Variants in NUDT3 observed in about 807,000 individuals in gnomAD.
The protein encoded by NUDT3 is diphosphoinositol polyphosphate phosphohydrolase 1.
NUDT3 carries 9 observed loss-of-function variants against 23.6 expected under a neutral mutation model. The observed-to-expected ratio is 0.38, with a 90% confidence interval of 0.23 to 0.66. The LOEUF (loss-of-function observed/expected upper bound fraction) is 0.66. NUDT3 is among the 30% of genes least tolerant of loss of function. The probability of loss-of-function intolerance (pLI) is 0.52; values close to 1 mark genes in which losing one functional copy is unlikely to be tolerated. For missense variants in NUDT3, 172 were observed against 218.5 expected (o/e 0.79, Z 1.34); for synonymous variants, 86 against 82.6 (o/e 1.04, Z -0.22).
At chr6:34,353,141 A>G (rs1224862473) in intron 1 of NUDT3, among the ~76,000 whole-genome samples, 1 of 152,158 alleles carries the variant, frequency 6.6e-6, no homozygotes, top group African/African-American at 2.4e-5. Flanking sequence ...ACAAATACAT[A>G]TTTATTCTTT....
At chr6:34,341,762 G>A (rs78744174) in intron 2 of NUDT3, 100 bp downstream of exon 2, 3 of 1,001,618 alleles carry the variant, frequency 3.0e-6, no homozygotes, top group Admixed American at 2.8e-5. Context: ...TTCTGTGACT[G>A]TATATTTATT....
At chr6:34,356,245 A>C (rs1278024784) in intron 1 of NUDT3, among the ~76,000 whole-genome samples, 1 of 152,202 alleles carries the variant, frequency 6.6e-6, no homozygotes, top group East Asian at 1.9e-4. Flanking sequence ...ACGTACCCAC[A>C]AAAATTAAAA....
intron 1 of NUDT3, among the ~76,000 whole-genome samples, chr6:34,381,840 C>T (rs1581902596): frequency 2.0e-5 from 3 of 151,532 alleles, no homozygotes; most frequent in East Asian, 1.9e-4. Flanking sequence ...TTTGGGAGGC[C>T]GAGGCAGGCA....
chr6:34,318,975 T>C (rs891129055), intron 2 of NUDT3, among the ~76,000 whole-genome samples: 4 of 151,344 alleles, frequency 2.6e-5, no homozygotes, highest in African/African-American at 9.7e-5. Context: ...ATTTAGTCAA[T>C]GTGTCCAAGC....
Position 34,283,155 on chromosome 6 carries a change from C to T in NUDT3, c.*5598G>A, listed in dbSNP as rs1050328566. The T allele has an allele frequency of 6.6e-6, 1 of 151,344 alleles. No homozygotes were observed. Among genetic ancestry groups the T allele is most frequent in the Non-Finnish European group, 1.5e-5 (1 of 67,966 alleles). 9.4% of individuals were successfully genotyped at this position (151,344 alleles called of 1,614,324 possible). A position where few individuals can be genotyped will look rare whatever the true frequency, so the allele number is the denominator to read the frequency against. On this transcript the variant is annotated 3_prime_UTR_variant, in exon 5 of 5. Coordinates refer to ENST00000607016, the MANE Select transcript of NUDT3 (RefSeq NM_006703.4). ...AATCATGTGACTGCTAGCCTCAGCT[C>T]AAGTAGTGTGCCCAAATCATCACAA...
chr6:34,338,413 C>T (rs377487165), intron 2 of NUDT3, among the ~76,000 whole-genome samples: 10 of 152,332 alleles, frequency 6.6e-5, no homozygotes, highest in African/African-American at 1.9e-4. Context: ...GCATGCCGTA[C>T]AAACTGTTCC....
rs1398019336 is a variant in NUDT3 at position 34,392,273 on chromosome 6, G to A, written c.90C>T (p.Ser30=). ...RAACLCFRSE[S]EEEVLLVSSS... Reference sequence around the variant, plus strand: ...CAGCCTGCCGCCTCACCTCCTCCTCGCTCTCGCTGCGGAAACACAGGCATG... The same window carrying A: ...CAGCCTGCCGCCTCACCTCCTCCTCACTCTCGCTGCGGAAACACAGGCATG... The change falls in exon 1 of 5, where the codon AGC becomes AGT. Residue 30 remains serine (S), a synonymous_variant. Coordinates refer to ENST00000607016, the MANE Select transcript of NUDT3 (RefSeq NM_006703.4). 2.5e-6 allele frequency: 4 copies of A among 1,598,044 alleles called. No homozygotes were observed. The highest frequency in any genetic ancestry group is 2.3e-5 in the East Asian group (1 of 43,784).
chr6:34,295,556 G>T, intron 3 of NUDT3, 85 bp downstream of exon 3: 1 of 1,442,800 alleles, frequency 6.9e-7, no homozygotes. Flanking sequence ...AAAACTCGCT[G>T]AAACAGAAAT....
rs558934939 is a variant in NUDT3, at chr6:34,299,258, T to C, written c.211-3573A>G. Among the ~76,000 whole-genome samples the C allele has an allele frequency of 1.7e-4, 26 of 152,336 alleles. 1 individual carries two copies. The South Asian group carries it at 5.2e-3, about 30-fold the overall frequency. ...GGTCCCATCAGGATGCTGGTATGGA[T>C]CTGTCTTTTGCAAAATTATACGAAA... On this transcript the variant is annotated intron_variant, in intron 2 of 4. Coordinates refer to ENST00000607016, the MANE Select transcript of NUDT3 (RefSeq NM_006703.4).
At chr6:34,294,919 G>A (rs140214340) in intron 3 of NUDT3, among the ~76,000 whole-genome samples, 57 of 152,050 alleles carry the variant, frequency 3.7e-4, no homozygotes, top group African/African-American at 1.2e-3. Context: ...GAGCCACCAC[G>A]CCCAGCATCT....
chr6:34,361,876 T>C (rs1311133449), intron 1 of NUDT3, among the ~76,000 whole-genome samples: 1 of 152,088 alleles, frequency 6.6e-6, no homozygotes, highest in African/African-American at 2.4e-5. Flanking sequence ...GATGAATAGG[T>C]AGAGAAAGAA....
rs1763456296 is a variant in NUDT3, at chr6:34,293,608, C to T, written c.256-73G>A. ...TGGAATTACTTAAATGAAACACACT[C>T]TTATGCATATGTCCAGAGAGCTCAG... On this transcript the variant is annotated intron_variant, in intron 3 of 4. Transcript: ENST00000607016. 1.4e-5 allele frequency: 22 copies of T among 1,550,370 alleles called. No homozygotes were observed. In the South Asian group the frequency reaches 2.1e-4, roughly 15 times the overall value.
intron 1 of NUDT3, among the ~76,000 whole-genome samples, chr6:34,343,929 A>G (rs768097080): frequency 3.3e-5 from 5 of 152,252 alleles, no homozygotes; most frequent in Non-Finnish European, 7.3e-5. Flanking sequence ...AAGCACATGA[A>G]AAGATGCTCA....
At chr6:34,295,089 G>A (rs918438362) in intron 3 of NUDT3, among the ~76,000 whole-genome samples, 3 of 151,992 alleles carry the variant, frequency 2.0e-5, no homozygotes, top group East Asian at 1.9e-4. Context: ...ACCTTGGTAG[G>A]AGACAAAGAA....
At chr6:34,313,854 T>C (rs1763817018) in intron 2 of NUDT3, among the ~76,000 whole-genome samples, 1 of 151,926 alleles carries the variant, frequency 6.6e-6, no homozygotes, top group South Asian at 2.1e-4. Context: ...TCCCAGCACT[T>C]TGGGAGGCCC....
intron 1 of NUDT3, among the ~76,000 whole-genome samples, chr6:34,388,619 G>A (rs1310316082): frequency 6.6e-6 from 1 of 152,086 alleles, no homozygotes; most frequent in Non-Finnish European, 1.5e-5. Context: ...GCACCCTAGA[G>A]ATTATTCTGT....
At chr6:34,326,346 A>G (rs1190301897) in intron 2 of NUDT3, among the ~76,000 whole-genome samples, 1 of 152,198 alleles carries the variant, frequency 6.6e-6, no homozygotes, top group Non-Finnish European at 1.5e-5. Context: ...TTTCGGAGAC[A>G]AAAAAACAAA....
rs181535899 is a variant in NUDT3 at position 34,371,336 on chromosome 6, C to T, written c.99+20928G>A. 3.4e-3 allele frequency among the ~76,000 whole-genome samples: 515 copies of T among 151,396 alleles called. 4 individuals carry two copies. Among genetic ancestry groups the T allele is most frequent in the Admixed American group, 7.6e-3 (116 of 15,172 alleles). On this transcript the variant is annotated intron_variant, in intron 1 of 4. Coordinates refer to ENST00000607016, the MANE Select transcript of NUDT3 (RefSeq NM_006703.4). ...TAAAAAAATTAGCTGGGCGTGGTGG[C>T]GTGCCGGTAGTCCAAGCTACTCGGG...
At chr6:34,354,548 C>T (rs1381734700) in intron 1 of NUDT3, among the ~76,000 whole-genome samples, 1 of 151,700 alleles carries the variant, frequency 6.6e-6, no homozygotes, top group South Asian at 2.1e-4. Context: ...CATGGTGAAA[C>T]CCCATCTCTA....
Sources: gnomAD v4.1 joint callset for allele counts (sites outside exome capture counted in the v4.1 genomes callset) on GRCh38, gnomAD v4.1.1 for gene constraint, MANE v1.5 for transcripts, NCBI Gene and HGNC (gene_info 2026-07-23, HGNC 2026-07-21) for gene names.